Variants in DNAAF9 observed in about 807,000 individuals in gnomAD.
The protein encoded by DNAAF9 is shulin.
In DNAAF9, 90 loss-of-function variants were observed where a neutral mutation model predicts 167.0. The ratio of observed to expected loss-of-function variants is 0.54; its 90% CI spans 0.45 to 0.64. The LOEUF is 0.64. Among genes scored for constraint, DNAAF9 ranks in the 30% least tolerant of loss-of-function variants. The pLI is 0.00. For missense variants in DNAAF9, 1,315 were observed against 1,442.2 expected (o/e 0.91, Z 1.43); for synonymous variants, 491 against 508.8 (o/e 0.96, Z 0.47).
At chr20:3,261,365 ATTAATT>A (rs1005719876) in intron 31 of DNAAF9, among the ~76,000 whole-genome samples, 3 of 151,218 alleles carry the variant, frequency 2.0e-5, no homozygotes, top group Non-Finnish European at 4.4e-5. Context: ...TAATTAATTA[ATTAATT>A]TTATTTTATT....
intron 33 of DNAAF9, 123 bp downstream of exon 33, chr20:3,259,357 G>A: frequency 1.3e-6 from 1 of 745,104 alleles, no homozygotes. Context: ...CCAGGGTGGG[G>A]AAGGTTTCTG....
At chr20:3,368,965 T>TA (rs73616153) in intron 6 of DNAAF9, among the ~76,000 whole-genome samples, 152,121 of 152,124 alleles carry the variant, frequency 1, 76,059 homozygotes, top group Middle Eastern at 1. Context: ...ACCCCATTTC[T>TA]CTAAAAATAC....
intron 9 of DNAAF9, among the ~76,000 whole-genome samples, chr20:3,341,880 C>G (rs2123114671): frequency 6.6e-6 from 1 of 152,228 alleles, no homozygotes; most frequent in African/African-American, 2.4e-5. Context: ...CAGGTTCACG[C>G]CATTCTCCTG....
intron 31 of DNAAF9, among the ~76,000 whole-genome samples, chr20:3,263,467 G>C (rs1380645364): frequency 6.6e-6 from 1 of 152,184 alleles, no homozygotes; most frequent in Non-Finnish European, 1.5e-5. Context: ...ATGCTATACA[G>C]GAATAAGTGT....
intron 16 of DNAAF9, among the ~76,000 whole-genome samples, chr20:3,319,082 CAAAAAAAAAAAAAA>C (rs71195834): frequency 0.16 from 11,092 of 71,492 alleles, 671 homozygotes; most frequent in Middle Eastern, 0.34. Context: ...GACTCTGTCT[CAAAAAAAAAAAAAA>C]AAAAAAAAGA....
chr20:3,294,669 C>T (rs1206377855), intron 23 of DNAAF9, 40 bp from the exon 24 acceptor site: 3 of 1,310,628 alleles, frequency 2.3e-6, no homozygotes, highest in Admixed American at 3.4e-5. Flanking sequence ...GTCCATCTTC[C>T]TTCAGCATAT....
intron 6 of DNAAF9, among the ~76,000 whole-genome samples, chr20:3,369,131 A>AC (rs1286708084): frequency 7.0e-6 from 1 of 143,654 alleles, no homozygotes; most frequent in Non-Finnish European, 1.6e-5. Flanking sequence ...CTCTGTCTCA[A>AC]AAAAAAAAAA....
chr20:3,343,828 G>C (rs1348163312), intron 8 of DNAAF9, 97 bp from the exon 9 acceptor site: 1 of 876,032 alleles, frequency 1.1e-6, no homozygotes, highest in Non-Finnish European at 1.9e-6. Context: ...CATGCTTCAG[G>C]AGAGTGCACA....
chr20:3,276,055 C>A (rs1272164372), intron 29 of DNAAF9, among the ~76,000 whole-genome samples: 2 of 152,200 alleles, frequency 1.3e-5, no homozygotes, highest in Non-Finnish European at 1.5e-5. Flanking sequence ...TTCTATAATA[C>A]ACATTGTCTT....
intron 17 of DNAAF9, among the ~76,000 whole-genome samples, chr20:3,317,988 T>C (rs897468167): frequency 6.6e-6 from 1 of 152,172 alleles, no homozygotes. Context: ...GTCTGTGAAG[T>C]GCCTGTTCAT....
At chr20:3,405,677 G>A (rs2084045303) in intron 1 of DNAAF9, among the ~76,000 whole-genome samples, 1 of 152,098 alleles carries the variant, frequency 6.6e-6, no homozygotes, top group Admixed American at 6.5e-5. Flanking sequence ...ACCTTTAAAA[G>A]AATAAATAAA....
At chr20:3,403,864 G>C (rs1043538706) in intron 1 of DNAAF9, among the ~76,000 whole-genome samples, 5 of 152,040 alleles carry the variant, frequency 3.3e-5, no homozygotes, top group Admixed American at 3.3e-4. Context: ...ATGTTGCCCA[G>C]ACTGGACTTG....
intron 20 of DNAAF9, among the ~76,000 whole-genome samples, chr20:3,313,107 T>C (rs1338649635): frequency 6.6e-6 from 1 of 152,220 alleles, no homozygotes; most frequent in African/African-American, 2.4e-5. Context: ...CGGCTAAATA[T>C]TATAATTGGC....
At chr20:3,296,108 T>A (rs1376487713) in intron 23 of DNAAF9, 1 of 677,362 alleles carries the variant, frequency 1.5e-6, no homozygotes, top group Non-Finnish European at 2.8e-6. Flanking sequence ...ATCAGGAAAA[T>A]GCACTTTACA....
At chr20:3,316,156 C>A (rs960522289) in intron 18 of DNAAF9, 1 of 256,694 alleles carries the variant, frequency 3.9e-6, no homozygotes, top group Admixed American at 5.0e-5. Flanking sequence ...GGATAACTCT[C>A]GGTCTTCCCT....
At chr20:3,389,370 C>T (rs2083794854) in intron 1 of DNAAF9, among the ~76,000 whole-genome samples, 1 of 151,280 alleles carries the variant, frequency 6.6e-6, no homozygotes, top group Non-Finnish European at 1.5e-5. Context: ...AGGCTGGTCT[C>T]AAACTCCTGG....
At chr20:3,381,983 G>C (rs1305843640) in intron 2 of DNAAF9, among the ~76,000 whole-genome samples, 1 of 152,180 alleles carries the variant, frequency 6.6e-6, no homozygotes, top group Admixed American at 6.5e-5. Context: ...GCTGGGGTAT[G>C]GTGGTGAACA....
intron 6 of DNAAF9, among the ~76,000 whole-genome samples, chr20:3,370,025 T>C (rs1483944902): frequency 6.6e-6 from 1 of 152,202 alleles, no homozygotes; most frequent in African/African-American, 2.4e-5. Flanking sequence ...TAATCAAATG[T>C]CTGGTGATCT....
chr20:3,324,301 G>T (rs2069671604), intron 14 of DNAAF9, among the ~76,000 whole-genome samples: 1 of 152,122 alleles, frequency 6.6e-6, no homozygotes, highest in Non-Finnish European at 1.5e-5. Flanking sequence ...CCCAGTATTG[G>T]TGTCTTTTGT....
Sources: gnomAD v4.1 joint callset for allele counts (sites outside exome capture counted in the v4.1 genomes callset) on GRCh38, gnomAD v4.1.1 for gene constraint, MANE v1.5 for transcripts, NCBI Gene and HGNC (gene_info 2026-07-23, HGNC 2026-07-21) for gene names.